The following ASTN2 variants were observed in gnomAD, a reference collection of about 807,000 sequenced individuals.
ASTN2 encodes the protein astrotactin 2, also known as astrotactin-2.
In ASTN2, 54 loss-of-function variants were observed where a neutral mutation model predicts 139.8. That is an observed-to-expected ratio of 0.39 (90% CI 0.31 to 0.48). The LOEUF (loss-of-function observed/expected upper bound fraction) is 0.48, where lower values mean the gene tolerates loss of function less well. Among genes scored for constraint, ASTN2 ranks in the 20% least tolerant of loss-of-function variants. The probability of loss-of-function intolerance (pLI) is 0.95; values close to 1 mark genes in which losing one functional copy is unlikely to be tolerated. For missense variants in ASTN2, 1,565 were observed against 1,725.1 expected (o/e 0.91, Z 1.64); for synonymous variants, 756 against 719.5 (o/e 1.05, Z -0.81).
chr9:117,321,638 G>C (rs1388199101), intron 1 of ASTN2, among the ~76,000 whole-genome samples: 1 of 152,134 alleles, frequency 6.6e-6, no homozygotes, highest in Non-Finnish European at 1.5e-5. Flanking sequence ...CGGATATTTG[G>C]GCAAGGAGTG....
chr9:116,975,437 T>C (rs1836317448), intron 9 of ASTN2, 92 bp from the exon 10 acceptor site: 2 of 1,284,944 alleles, frequency 1.6e-6, no homozygotes, highest in Non-Finnish European at 2.1e-6. Flanking sequence ...TCTAGGGCAA[T>C]TTCCTACTTC....
At chr9:116,943,102 T>C (rs945167956) in intron 10 of ASTN2, among the ~76,000 whole-genome samples, 3 of 152,190 alleles carry the variant, frequency 2.0e-5, no homozygotes, top group South Asian at 4.1e-4. Context: ...CCAGTAGTTA[T>C]AGACCGGGGA....
chr9:117,250,973 G>A (rs1029581307), intron 2 of ASTN2, among the ~76,000 whole-genome samples: 3 of 152,192 alleles, frequency 2.0e-5, no homozygotes, highest in African/African-American at 2.4e-5. Context: ...GTGGAACAAG[G>A]CTGCAAGTAG....
intron 11 of ASTN2, among the ~76,000 whole-genome samples, chr9:116,850,956 G>T (rs902799788): frequency 1.3e-5 from 2 of 152,166 alleles, no homozygotes; most frequent in Admixed American, 6.5e-5. Context: ...TCATTTTCTA[G>T]CTCTGTAAAT....
At chr9:116,682,866 G>C (rs1452789528) in intron 16 of ASTN2, among the ~76,000 whole-genome samples, 15 of 151,984 alleles carry the variant, frequency 9.9e-5, no homozygotes, top group Non-Finnish European at 1.5e-4. Flanking sequence ...TCACACTCTG[G>C]GGACTGTTGT....
intron 13 of ASTN2, among the ~76,000 whole-genome samples, chr9:116,783,841 T>A (rs1261189944): frequency 6.6e-6 from 1 of 152,190 alleles, no homozygotes; most frequent in East Asian, 1.9e-4. Context: ...CTTATGCTCT[T>A]TATCGATGGA....
At chr9:116,537,301 T>C (rs1465024093) in intron 19 of ASTN2, among the ~76,000 whole-genome samples, 4 of 152,252 alleles carry the variant, frequency 2.6e-5, no homozygotes, top group African/African-American at 9.6e-5. Flanking sequence ...ATAATTTTTT[T>C]CTTTTACTTG....
chr9:117,372,566 C>A (rs1308948563), intron 1 of ASTN2, among the ~76,000 whole-genome samples: 2 of 152,094 alleles, frequency 1.3e-5, no homozygotes, highest in Admixed American at 1.3e-4. Flanking sequence ...CATCTGCAAA[C>A]TGGATATAAT....
chr9:117,057,060 T>C (rs1389144040), intron 5 of ASTN2, among the ~76,000 whole-genome samples: 1 of 152,234 alleles, frequency 6.6e-6, no homozygotes, highest in Non-Finnish European at 1.5e-5. Flanking sequence ...TCAGCTCTTT[T>C]TGTTGGAACA....
At chr9:117,169,849 A>G (rs1361389006) in intron 3 of ASTN2, among the ~76,000 whole-genome samples, 2 of 152,156 alleles carry the variant, frequency 1.3e-5, no homozygotes, top group African/African-American at 2.4e-5. Context: ...AGGAGGAGAT[A>G]TGTAAACACC....
chr9:117,249,567 A>G (rs1833479287), intron 2 of ASTN2, among the ~76,000 whole-genome samples: 1 of 152,188 alleles, frequency 6.6e-6, no homozygotes, highest in Non-Finnish European at 1.5e-5. Flanking sequence ...AAGTTCCTCT[A>G]AGCATGACGA....
chr9:117,175,207 G>A (rs184216712), intron 3 of ASTN2, among the ~76,000 whole-genome samples: 13 of 152,218 alleles, frequency 8.5e-5, no homozygotes, highest in Admixed American at 7.9e-4. Context: ...TGCAACAGTT[G>A]CAGAAATAGT....
chr9:117,204,731 C>A (rs1443240250), intron 3 of ASTN2, among the ~76,000 whole-genome samples: 1 of 152,090 alleles, frequency 6.6e-6, no homozygotes, highest in East Asian at 1.9e-4. Context: ...AAATCTATGA[C>A]CTGGGAAGAC....
chr9:117,296,144 G>A (rs1485896883), intron 1 of ASTN2, among the ~76,000 whole-genome samples: 2 of 151,824 alleles, frequency 1.3e-5, no homozygotes, highest in African/African-American at 4.8e-5. Flanking sequence ...CAGGCATGGT[G>A]GCATACACCT....
At chr9:116,955,471 T>G (rs1301879650) in intron 10 of ASTN2, among the ~76,000 whole-genome samples, 1 of 152,224 alleles carries the variant, frequency 6.6e-6, no homozygotes, top group Non-Finnish European at 1.5e-5. Context: ...CTTAGCTGTT[T>G]AAAGGGACTA....
chr9:116,540,084 A>T (rs1049646728), intron 19 of ASTN2, among the ~76,000 whole-genome samples: 1 of 152,188 alleles, frequency 6.6e-6, no homozygotes, highest in African/African-American at 2.4e-5. Context: ...GCTACATGAG[A>T]CTGCTTTTCC....
intron 6 of ASTN2, among the ~76,000 whole-genome samples, chr9:117,025,031 GCC>G (rs1838018762): frequency 6.6e-6 from 1 of 152,088 alleles, no homozygotes; most frequent in Non-Finnish European, 1.5e-5. Flanking sequence ...GGCCTCCCCA[GCC>G]ATGTGGAACT....
chr9:116,986,458 G>A (rs1014122312), intron 7 of ASTN2, among the ~76,000 whole-genome samples: 1 of 152,166 alleles, frequency 6.6e-6, no homozygotes, highest in Non-Finnish European at 1.5e-5. Context: ...ACTGCACAAG[G>A]TGTGATTCAG....
chr9:117,211,631 T>G (rs935965799), intron 3 of ASTN2, among the ~76,000 whole-genome samples: 3 of 152,130 alleles, frequency 2.0e-5, no homozygotes, highest in African/African-American at 4.8e-5. Flanking sequence ...TCTTTATAAA[T>G]TACCCAGTCT....
Sources: gnomAD v4.1 joint callset for allele counts (sites outside exome capture counted in the v4.1 genomes callset) on GRCh38, gnomAD v4.1.1 for gene constraint, MANE v1.5 for transcripts, NCBI Gene and HGNC (gene_info 2026-07-23, HGNC 2026-07-21) for gene names.